The following HYDIN variants were observed in gnomAD, a reference collection of about 807,000 sequenced individuals.
HYDIN encodes axonemal central pair apparatus protein HYDIN.
A neutral mutation model predicts 403.9 loss-of-function variants in HYDIN; 132 were observed. The observed-to-expected ratio is 0.33, with a 90% confidence interval of 0.28 to 0.38. HYDIN has a LOEUF of 0.38. HYDIN is among the 10% of genes least tolerant of loss of function. The pLI, the probability that HYDIN is intolerant of heterozygous loss-of-function variation, is 1.00. For missense variants in HYDIN, 2,827 were observed against 5,009.5 expected (o/e 0.56, Z 13.15); for synonymous variants, 1,202 against 1,891.7 (o/e 0.64, Z 9.46).
chr16:70,807,867 G>A lies in HYDIN; in HGVS notation c.15079C>T (p.Gln5027Ter). ...CCGGCTCGGATCGAGAAGGGACCTT[G>A]GGGCTTGGGAGGCAGAGCCATTCCA... ...LFGMALPPKP[Q>*]GPFSIRAGYS... The change falls in exon 86 of 86, where the codon CAA (glutamine) becomes TAA (stop). Residue 5027 changes from glutamine to a stop codon, truncating the protein, a stop_gained. Transcript: ENST00000393567. LOFTEE classifies it high-confidence loss of function. 6.2e-7 allele frequency: 1 copy of A among 1,614,182 alleles called. No homozygotes were observed. Among genetic ancestry groups the A allele is most frequent in the Non-Finnish European group, 8.5e-7 (1 of 1,180,024 alleles).
chr16:71,209,608 A>C (rs1486387139), intron 1 of HYDIN, among the ~76,000 whole-genome samples: 1 of 152,220 alleles, frequency 6.6e-6, no homozygotes, highest in African/African-American at 2.4e-5. Context: ...CCCTGTTTGC[A>C]GATGACATAA....
chr16:70,820,290 A>G (rs1361537387), intron 83 of HYDIN, among the ~76,000 whole-genome samples: 1 of 130,408 alleles, frequency 7.7e-6, no homozygotes, highest in Non-Finnish European at 1.5e-5. Flanking sequence ...TCCTGGTTTC[A>G]TGTCATTCTC....
intron 9 of HYDIN, among the ~76,000 whole-genome samples, chr16:71,122,838 T>C (rs987376150): frequency 4.0e-5 from 6 of 149,544 alleles, no homozygotes; most frequent in African/African-American, 1.5e-4. Context: ...GGATACCAAA[T>C]GAAGTTTTCT....
intron 38 of HYDIN, among the ~76,000 whole-genome samples, chr16:70,961,688 A>C (rs943811436): frequency 6.6e-6 from 1 of 152,046 alleles, no homozygotes; most frequent in African/African-American, 2.4e-5. Context: ...GAATCTTAGC[A>C]GGAAAGATTC....
Position 70,866,246 on chromosome 16 carries a change from C to T in HYDIN, c.11394G>A (p.Val3798=), listed in dbSNP as rs1196580927. The T allele has an allele frequency of 2.2e-6, 3 of 1,378,962 alleles. No individual in the cohort carries two copies. The highest frequency in any genetic ancestry group is 3.1e-6 in the Non-Finnish European group (3 of 968,466). The allele number at this position is 1,378,962 out of a possible 1,614,324, so 85.4% of individuals were successfully genotyped here. The part of the protein sequence containing the change: ...QELQLQISAN[V]DFASYHCQAR... ...CTTGGCAATGGTATGAAGCGAAATC[C>T]ACATTGGCACTGATTTGAAGCTGCA... The change falls in exon 67 of 86, where the codon GTG becomes GTA. Residue 3798 remains valine, a synonymous_variant. Transcript: ENST00000393567.
chr16:70,945,896 G>C (rs1161480033), intron 41 of HYDIN, among the ~76,000 whole-genome samples: 1 of 152,184 alleles, frequency 6.6e-6, no homozygotes, highest in Non-Finnish European at 1.5e-5. Flanking sequence ...AGAGGATGGG[G>C]GTGGGTGTGA....
chr16:71,149,770 C>T (rs1216152849), intron 7 of HYDIN, among the ~76,000 whole-genome samples: 5 of 152,158 alleles, frequency 3.3e-5, no homozygotes, highest in Non-Finnish European at 7.4e-5. Flanking sequence ...TCAAGCAATG[C>T]TCCTGCTGTA....
At chr16:70,895,015 C>A (rs185851104) in intron 54 of HYDIN, among the ~76,000 whole-genome samples, 2 of 152,316 alleles carry the variant, frequency 1.3e-5, no homozygotes, top group East Asian at 3.9e-4. Flanking sequence ...ACTACTATTT[C>A]ATTATTGATG....
At chr16:70,850,787 T>C (rs1055563074) in intron 73 of HYDIN, 132 bp from the exon 74 acceptor site, 3 of 756,170 alleles carry the variant, frequency 4.0e-6, no homozygotes, top group Non-Finnish European at 6.3e-6. Context: ...CATTTTAAGA[T>C]TTGTGGCTAT....
intron 30 of HYDIN, among the ~76,000 whole-genome samples, chr16:70,977,932 A>G (rs1408018453): frequency 4.6e-5 from 7 of 151,454 alleles, no homozygotes; most frequent in Non-Finnish European, 7.4e-5. Flanking sequence ...CTCACTAGAC[A>G]TACTTCCTAG....
chr16:71,106,179 C>G lies in HYDIN; in HGVS notation c.1327+9517G>C, dbSNP rs1158985927. Among the ~76,000 whole-genome samples the G allele has an allele frequency of 2.0e-5, 3 of 151,214 alleles. No individual in the cohort carries two copies. In the East Asian group the frequency reaches 5.9e-4, roughly 30 times the overall value. ...TCCTTCCCTCCCTCCCTCTCTCTCT[C>G]TCTCTCTCTCAATCTCCATAGCAGT... On this transcript the variant is annotated intron_variant, in intron 10 of 85. Coordinates refer to ENST00000393567, the MANE Select transcript of HYDIN (RefSeq NM_001270974.2).
chr16:71,051,718 C>T (rs529378549), intron 18 of HYDIN, among the ~76,000 whole-genome samples: 79 of 151,588 alleles, frequency 5.2e-4, no homozygotes, highest in South Asian at 4.2e-4. Context: ...GGAATAACAG[C>T]GTCTACTCTA....
chr16:71,050,980 T>A, intron 18 of HYDIN, among the ~76,000 whole-genome samples: 6 of 139,690 alleles, frequency 4.3e-5, no homozygotes, highest in South Asian at 2.4e-4. Context: ...AAAAAAGAGG[T>A]AAGGATAACT....
chr16:70,832,714 C>T (rs2037094343), intron 80 of HYDIN, 134 bp downstream of exon 80: 1 of 628,746 alleles, frequency 1.6e-6, no homozygotes, highest in African/African-American at 1.8e-5. Context: ...AATGAATATT[C>T]CAGCAGTGGA....
At chr16:71,066,099 T>C (rs936914585) in intron 15 of HYDIN, among the ~76,000 whole-genome samples, 4 of 152,044 alleles carry the variant, frequency 2.6e-5, no homozygotes, top group Admixed American at 1.3e-4. Context: ...AGAAAACTCA[T>C]AGCCTCTTTA....
At position 71,221,120 on chromosome 16, in the gene HYDIN, G is replaced by T. The variant is rs969194138; in HGVS notation, c.-24+9442C>A. Reference sequence around the variant, plus strand: ...TCAACACCCAGGACCCATCAAAGGTGGGGAGACTGATAGTTGACTCCACTC... The same window carrying T: ...TCAACACCCAGGACCCATCAAAGGTTGGGAGACTGATAGTTGACTCCACTC... On this transcript the variant is annotated intron_variant, in intron 1 of 85. Transcript: ENST00000393567. Among the ~76,000 whole-genome samples, 11 of 152,148 alleles carry T rather than the reference G, an allele frequency of 7.2e-5. 1 individual carries two copies. Among genetic ancestry groups the T allele is most frequent in the South Asian group, 4.2e-4 (2 of 4,808 alleles).
At chr16:71,181,541 G>A (rs537985900) in intron 3 of HYDIN, among the ~76,000 whole-genome samples, 1 of 152,120 alleles carries the variant, frequency 6.6e-6, no homozygotes, top group East Asian at 1.9e-4. Context: ...GATTATATAA[G>A]TGGAATAATA....
chr16:70,902,794 A>AATATATATAT (rs1264288990), intron 52 of HYDIN, among the ~76,000 whole-genome samples: 112 of 61,026 alleles, frequency 1.8e-3, no homozygotes, highest in South Asian at 2.8e-3. Context: ...CTACTCTTTA[A>AATATATATAT]ATATATATAT....
At chr16:70,989,707 T>TA (rs1010828248) in intron 25 of HYDIN, among the ~76,000 whole-genome samples, 17 of 152,238 alleles carry the variant, frequency 1.1e-4, no homozygotes, top group African/African-American at 3.9e-4. Context: ...GGTAAAAAGA[T>TA]AAAAAAAGAC....
Sources: allele counts gnomAD v4.1 joint callset (sites outside exome capture counted in the v4.1 genomes callset), GRCh38; gene constraint gnomAD v4.1.1; transcripts MANE v1.5; gene names NCBI Gene and HGNC (gene_info 2026-07-23, HGNC 2026-07-21).